MAP3K5: variants seen among roughly 807,000 people sequenced by gnomAD.
The protein encoded by MAP3K5 is mitogen-activated protein kinase kinase kinase 5.
In MAP3K5, 56 loss-of-function variants were observed where a neutral mutation model predicts 158.7. The observed-to-expected ratio is 0.35, with a 90% confidence interval of 0.28 to 0.44. The LOEUF is 0.44. MAP3K5 is among the 20% of genes least tolerant of loss of function. The probability of loss-of-function intolerance (pLI) is 1.00; values close to 1 mark genes in which losing one functional copy is unlikely to be tolerated. For synonymous variants in MAP3K5, 579 were observed against 601.7 expected (o/e 0.96, Z 0.55); for missense variants, 1,294 against 1,674.8 (o/e 0.77, Z 3.97).
intron 1 of MAP3K5, among the ~76,000 whole-genome samples, chr6:136,769,261 C>T (rs1784080544): frequency 6.6e-6 from 1 of 152,182 alleles, no homozygotes; most frequent in East Asian, 1.9e-4. Flanking sequence ...CAAAATGCCA[C>T]ATATTGTATG....
chr6:136,631,859 T>C (rs539276555), intron 14 of MAP3K5, among the ~76,000 whole-genome samples: 1 of 152,100 alleles, frequency 6.6e-6, no homozygotes, highest in African/African-American at 2.4e-5. Context: ...CATCCTGCCA[T>C]GGGACATTAA....
chr6:136,705,134 C>A lies in MAP3K5; in HGVS notation c.589-1G>T. 3.4e-6 allele frequency: 4 copies of A among 1,186,936 alleles called. No homozygotes were observed. The highest frequency in any genetic ancestry group is 2.5e-5 in the Admixed American group (1 of 40,724). 73.5% of individuals were successfully genotyped at this position (1,186,936 alleles called of 1,614,324 possible). ...CAGTATTCTTCTGGCAAATTATTTC[C>A]TGAAAAACAAGAAAAAAAATATACC... On this transcript the variant is annotated splice_acceptor_variant, in intron 2 of 29. Coordinates refer to ENST00000359015, the MANE Select transcript of MAP3K5 (RefSeq NM_005923.4). LOFTEE classifies it high-confidence loss of function.
intron 1 of MAP3K5, among the ~76,000 whole-genome samples, chr6:136,764,559 G>A (rs971201176): frequency 2.0e-5 from 3 of 152,150 alleles, no homozygotes; most frequent in African/African-American, 4.8e-5. Context: ...CCAAGTTTAT[G>A]TGAAACAGAA....
intron 7 of MAP3K5, among the ~76,000 whole-genome samples, chr6:136,680,420 T>C (rs1039459423): frequency 6.6e-6 from 1 of 152,262 alleles, no homozygotes; most frequent in African/African-American, 2.4e-5. Context: ...TAACAACTTA[T>C]CTATTTTTGG....
intron 1 of MAP3K5, among the ~76,000 whole-genome samples, chr6:136,756,539 C>T (rs549593141): frequency 2.0e-5 from 3 of 152,086 alleles, no homozygotes; most frequent in Admixed American, 6.5e-5. Flanking sequence ...ACCTCCGCCT[C>T]CCTGCAACCT....
intron 1 of MAP3K5, among the ~76,000 whole-genome samples, chr6:136,780,518 A>T (rs1344000826): frequency 1.3e-5 from 2 of 152,068 alleles, no homozygotes; most frequent in Non-Finnish European, 2.9e-5. Context: ...GCATATGTTT[A>T]TATTTGTAGA....
rs570361416 is a variant in MAP3K5 at position 136,567,158 on chromosome 6, A to T, written c.3761+473T>A. On this transcript the variant is annotated intron_variant, in intron 26 of 29. Coordinates refer to ENST00000359015, the MANE Select transcript of MAP3K5 (RefSeq NM_005923.4). ...TACAGCATATCAAAAATAAAATAGA[A>T]TCATAAATGTGGTCAATTATCTTCC... 3.3e-5 allele frequency among the ~76,000 whole-genome samples: 5 copies of T among 152,348 alleles called. No homozygotes were observed. In the South Asian group the frequency reaches 8.3e-4, roughly 25 times the overall value.
intron 20 of MAP3K5, 94 bp downstream of exon 20, chr6:136,601,708 G>A (rs1163322152): frequency 2.7e-6 from 3 of 1,110,946 alleles, no homozygotes; most frequent in African/African-American, 3.1e-5. Flanking sequence ...AGTGATATCT[G>A]TAAACAGGTT....
rs1292805697 is a variant in MAP3K5 at position 136,791,702 on chromosome 6, A to G, written c.448+8T>C. ...CCGCGCGGGATGGGAAAGGGGTCAC[A>G]CACGCACCTGCATTGTAAAAGCGGT... On this transcript the variant is annotated splice_region_variant and intron_variant, in intron 1 of 29. Coordinates refer to ENST00000359015, the MANE Select transcript of MAP3K5 (RefSeq NM_005923.4). The G allele has an allele frequency of 6.2e-7, 1 of 1,612,978 alleles. No individual in the cohort carries two copies. The highest frequency in any genetic ancestry group is 8.5e-7 in the Non-Finnish European group (1 of 1,179,902).
At chr6:136,575,182 G>A (rs1224005544) in intron 25 of MAP3K5, among the ~76,000 whole-genome samples, 1 of 135,454 alleles carries the variant, frequency 7.4e-6, no homozygotes, top group Admixed American at 7.5e-5. Context: ...TTTTTTTTGA[G>A]ACAGGGTCTC....
chr6:136,726,716 CT>C (rs1781984315), intron 1 of MAP3K5, among the ~76,000 whole-genome samples: 1 of 151,802 alleles, frequency 6.6e-6, no homozygotes, highest in African/African-American at 2.4e-5. Context: ...TAAATGTTTT[CT>C]CTTTTTGGTG....
chr6:136,680,772 T>C lies in MAP3K5; in HGVS notation c.1254-11377A>G, dbSNP rs117062489. 5.6e-4 allele frequency among the ~76,000 whole-genome samples: 86 copies of C among 152,308 alleles called. 1 individual carries two copies. The East Asian group carries it at 0.016, about 28-fold the overall frequency. On this transcript the variant is annotated intron_variant, in intron 7 of 29. Coordinates refer to ENST00000359015, the MANE Select transcript of MAP3K5 (RefSeq NM_005923.4). ...TACTCTTAAGGGTGAATAGTTTTCA[T>C]ATGTACACTTACTCTTGCAATAACT...
chr6:136,594,247 G>C (rs965985032), intron 21 of MAP3K5, among the ~76,000 whole-genome samples: 1 of 152,212 alleles, frequency 6.6e-6, no homozygotes, highest in Admixed American at 6.5e-5. Flanking sequence ...ATTTTGGGCA[G>C]TGCTGCTACA....
rs760179645 is a variant in MAP3K5, at chr6:136,651,001, C to T, written c.1771G>A (p.Val591Met). Reference protein sequence around the residue: ...VEEKTISIWHVLPDDKKGIHE... With the variant: ...VEEKTISIWHMLPDDKKGIHE... ...CAATTTACCTTGTCATCAGGAAGCA[C>T]GTGCCAAATAGAGATTGTCTTTTCC... Residue 591 changes from valine (V) to methionine (M), a missense_variant, in exon 11 of 30, where the codon GTG (valine) becomes ATG (methionine). Physicochemically the swap from Val to Met is conservative, Grantham distance 21 (BLOSUM62 1). Coordinates refer to ENST00000359015, the MANE Select transcript of MAP3K5 (RefSeq NM_005923.4). The T allele has an allele frequency of 3.1e-6, 5 of 1,609,478 alleles. No homozygotes were observed. The highest frequency in any genetic ancestry group is 2.2e-5 in the South Asian group (2 of 90,604).
intron 1 of MAP3K5, among the ~76,000 whole-genome samples, chr6:136,770,196 C>T (rs1375810606): frequency 1.3e-5 from 2 of 152,070 alleles, no homozygotes; most frequent in African/African-American, 4.8e-5. Flanking sequence ...CATCTCTCCC[C>T]TAATGGATGG....
At chr6:136,754,278 A>G (rs916440697) in intron 1 of MAP3K5, among the ~76,000 whole-genome samples, 1 of 147,652 alleles carries the variant, frequency 6.8e-6, no homozygotes. Flanking sequence ...ATAAAAAAAA[A>G]AAAGAAAAGA....
chr6:136,622,677 G>A (rs1583288469), intron 15 of MAP3K5, among the ~76,000 whole-genome samples, 171 bp downstream of exon 15: 2 of 152,262 alleles, frequency 1.3e-5, no homozygotes, highest in East Asian at 1.9e-4. Flanking sequence ...TTCCCCACCA[G>A]TCTGGCACTT....
At chr6:136,560,937 G>A (rs1420360175) in intron 28 of MAP3K5, among the ~76,000 whole-genome samples, 2 of 136,324 alleles carry the variant, frequency 1.5e-5, no homozygotes, top group African/African-American at 6.5e-5. Context: ...GCGAGACCTT[G>A]TCTCCAAAAA....
chr6:136,757,537 C>T (rs1783545581), intron 1 of MAP3K5, among the ~76,000 whole-genome samples: 1 of 151,450 alleles, frequency 6.6e-6, no homozygotes, highest in South Asian at 2.1e-4. Flanking sequence ...AGAAGATCAA[C>T]AGACATTAAT....
Sources: allele counts gnomAD v4.1 joint callset (sites outside exome capture counted in the v4.1 genomes callset), GRCh38; gene constraint gnomAD v4.1.1; transcripts MANE v1.5; gene names NCBI Gene and HGNC (gene_info 2026-07-23, HGNC 2026-07-21).